The following NAP1L1 variants were observed in gnomAD, a reference collection of about 807,000 sequenced individuals.
The protein encoded by NAP1L1 is nucleosome assembly protein 1-like 1.
In NAP1L1, 9 loss-of-function variants were observed where a neutral mutation model predicts 58.9. The observed-to-expected ratio is 0.15, with a 90% CI of 0.09 to 0.27. The LOEUF is 0.27. Among genes scored for constraint, NAP1L1 ranks in the 10% least tolerant of loss-of-function variants. The probability of loss-of-function intolerance (pLI) is 1.00; values close to 1 mark genes in which losing one functional copy is unlikely to be tolerated. For synonymous variants in NAP1L1, 130 were observed against 138.3 expected, an observed-to-expected ratio of 0.94 and a Z score of 0.42; for missense variants, 302 against 458.8, an observed-to-expected ratio of 0.66 and a Z score of 3.12.
At chr12:76,081,239 C>T (rs1024053631) in intron 1 of NAP1L1, among the ~76,000 whole-genome samples, 2 of 152,172 alleles carry the variant, frequency 1.3e-5, no homozygotes, top group Admixed American at 6.5e-5. Flanking sequence ...TACGTAACCA[C>T]GGACGGGTTA....
At chr12:76,053,718 G>A in intron 9 of NAP1L1, 52 bp downstream of exon 9, 2 of 1,572,824 alleles carry the variant, frequency 1.3e-6, no homozygotes, top group South Asian at 1.2e-5. Flanking sequence ...TACAAATCAA[G>A]TATAACAAAA....
chr12:76,077,907 C>A (rs1950244627), intron 1 of NAP1L1, among the ~76,000 whole-genome samples: 1 of 144,590 alleles, frequency 6.9e-6, no homozygotes, highest in Non-Finnish European at 1.5e-5. Flanking sequence ...TTGCTTGAAC[C>A]CAGAGGAGGA....
intron 4 of NAP1L1, among the ~76,000 whole-genome samples, chr12:76,067,021 T>C (rs376158805): frequency 5.9e-5 from 9 of 152,236 alleles, no homozygotes; most frequent in Non-Finnish European, 1.0e-4. Flanking sequence ...TTTAAATGTG[T>C]AAGCTGAGTA....
At chr12:76,068,845 A>G in intron 3 of NAP1L1, 64 bp downstream of exon 3, 2 of 1,233,442 alleles carry the variant, frequency 1.6e-6, no homozygotes, top group Middle Eastern at 2.2e-4. Flanking sequence ...ACTGGTACTT[A>G]TAACTACCCT....
At chr12:76,049,462 G>A (rs1406523555) in intron 13 of NAP1L1, 4 of 1,535,556 alleles carry the variant, frequency 2.6e-6, no homozygotes, top group Non-Finnish European at 3.5e-6. Flanking sequence ...ATTGAAAATA[G>A]TTACTGCAGC....
chr12:76,052,261 AC>A (rs1337887386), intron 11 of NAP1L1, among the ~76,000 whole-genome samples: 5 of 152,110 alleles, frequency 3.3e-5, no homozygotes, highest in African/African-American at 1.2e-4. Context: ...AAACAAACAA[AC>A]AAACAAAAAA....
chr12:76,075,944 G>C (rs76236397), intron 1 of NAP1L1, among the ~76,000 whole-genome samples: 1 of 152,054 alleles, frequency 6.6e-6, no homozygotes, highest in East Asian at 1.9e-4. Flanking sequence ...CAGAAGGACC[G>C]CTTGAGGCCA....
intron 6 of NAP1L1, chr12:76,056,849 T>C: frequency 3.2e-6 from 1 of 309,990 alleles, no homozygotes. Context: ...CCATCTTTAC[T>C]AAAAGTACAA....
intron 14 of NAP1L1, among the ~76,000 whole-genome samples, 157 bp from the exon 15 acceptor site, chr12:76,048,621 A>T (rs1225010116): frequency 1.3e-5 from 2 of 152,142 alleles, no homozygotes; most frequent in African/African-American, 4.8e-5. Context: ...TTAGCAAGTC[A>T]CTGAAATGCT....
At chr12:76,080,210 G>A (rs1227665100) in intron 1 of NAP1L1, among the ~76,000 whole-genome samples, 1 of 152,140 alleles carries the variant, frequency 6.6e-6, no homozygotes, top group Non-Finnish European at 1.5e-5. Flanking sequence ...GCCTAGTAAT[G>A]TCACAGCTCA....
intron 6 of NAP1L1, 88 bp downstream of exon 6, chr12:76,059,710 T>C (rs894147371): frequency 2.2e-6 from 2 of 889,098 alleles, no homozygotes; most frequent in Non-Finnish European, 3.6e-6. Flanking sequence ...TTATATAATA[T>C]TGTACTCCAT....
intron 13 of NAP1L1, 101 bp downstream of exon 13, chr12:76,049,655 C>CA (rs1404171514): frequency 1.5e-5 from 23 of 1,550,888 alleles, no homozygotes; most frequent in Middle Eastern, 1.9e-4. Flanking sequence ...GTTTTTATCC[C>CA]AAATCACAGA....
intron 8 of NAP1L1, 99 bp from the exon 9 acceptor site, chr12:76,054,008 G>T: frequency 8.0e-7 from 1 of 1,242,830 alleles, no homozygotes; most frequent in Non-Finnish European, 1.1e-6. Flanking sequence ...TATTCTAAAT[G>T]ATAATTTTTT....
chr12:76,077,848 G>A (rs781549122), intron 1 of NAP1L1, among the ~76,000 whole-genome samples: 1 of 151,700 alleles, frequency 6.6e-6, no homozygotes, highest in African/African-American at 2.4e-5. Flanking sequence ...GCCGGGCGTG[G>A]TTGCACACAC....
At chr12:76,060,045 G>T in intron 5 of NAP1L1, 93 bp downstream of exon 5, 1 of 1,358,292 alleles carries the variant, frequency 7.4e-7, no homozygotes, top group Non-Finnish European at 1.0e-6. Context: ...ATTTCAATGA[G>T]AGTTCTAAAG....
intron 6 of NAP1L1, chr12:76,058,166 T>A: frequency 1.6e-6 from 1 of 617,590 alleles, no homozygotes; most frequent in South Asian, 1.5e-5. Context: ...GAACTGACAG[T>A]AGATATGGCC....
In NAP1L1 at chr12:76,053,978, G is replaced by A. The variant is rs535037528; in HGVS notation, c.631-69C>T. ...ATATTTCAGTACTTTAGTAAACACAGCTTCATCTGTTTTTATAAATATTCT... is the reference window on the plus strand; with the variant it reads ...ATATTTCAGTACTTTAGTAAACACAACTTCATCTGTTTTTATAAATATTCT... On this transcript the variant is annotated intron_variant, in intron 8 of 14. Coordinates refer to ENST00000618691, the MANE Select transcript of NAP1L1 (RefSeq NM_004537.7). The A allele has an allele frequency of 2.8e-6, 4 of 1,440,336 alleles. No homozygotes were observed. In the African/African-American group the frequency reaches 4.5e-5, roughly 16 times the overall value. The allele number at this position is 1,440,336 out of a possible 1,614,324, so 89.2% of individuals were successfully genotyped here. A position where few individuals can be genotyped will look rare whatever the true frequency, so the allele number is the denominator to read the frequency against.
In NAP1L1 at chr12:76,036,871, G is replaced by C. The variant is rs1871052524; in HGVS notation, c.*11558C>G. The C allele has an allele frequency of 6.7e-6, 1 of 149,382 alleles. No homozygotes were observed. Among genetic ancestry groups the C allele is most frequent in the East Asian group, 2.0e-4 (1 of 5,090 alleles). The allele number at this position is 149,382 out of a possible 1,614,324, so 9.3% of individuals were successfully genotyped here. A position where few individuals can be genotyped will look rare whatever the true frequency, so the allele number is the denominator to read the frequency against. ...GCGGATTGCCTGAGGTCAGGAGCTC[G>C]ACACAAGTCTGGCCAACATGGTGAA... On this transcript the variant is annotated 3_prime_UTR_variant, in exon 15 of 15. Transcript: ENST00000618691.
chr12:76,048,186 AC>A lies in NAP1L1; in HGVS notation c.*242del, dbSNP rs1948664313. ...AGCTACATAAAAATATTCCAGAAGA[AC>A]CAAATTATGTAGCAATGAATGAACA... On this transcript the variant is annotated 3_prime_UTR_variant, in exon 15 of 15. Transcript: ENST00000618691. 1 of 433,776 alleles carries A rather than the reference AC, an allele frequency of 2.3e-6. No individual in the cohort carries two copies. The highest frequency in any genetic ancestry group is 2.0e-5 in the African/African-American group (1 of 49,374). 26.9% of individuals were successfully genotyped at this position (433,776 alleles called of 1,614,324 possible). A position where few individuals can be genotyped will look rare whatever the true frequency, so the allele number is the denominator to read the frequency against.
Sources: gnomAD v4.1 joint callset for allele counts (sites outside exome capture counted in the v4.1 genomes callset) on GRCh38, gnomAD v4.1.1 for gene constraint, MANE v1.5 for transcripts, NCBI Gene and HGNC (gene_info 2026-07-23, HGNC 2026-07-21) for gene names.